The following PCSK6 variants were observed in gnomAD, a reference collection of about 807,000 sequenced individuals.
PCSK6 encodes paired basic amino acid cleaving enzyme 4.
In PCSK6, 85 loss-of-function variants were observed where a neutral mutation model predicts 123.3. The ratio of observed to expected loss-of-function variants is 0.69; its 90% CI spans 0.58 to 0.83. The LOEUF (loss-of-function observed/expected upper bound fraction) is 0.83. PCSK6 is among the 40% of genes least tolerant of loss of function. The pLI, the probability that PCSK6 is intolerant of heterozygous loss-of-function variation, is 0.00. For synonymous variants in PCSK6, 508 were observed against 516.0 expected (o/e 0.98, Z 0.21); for missense variants, 1,191 against 1,282.3 (o/e 0.93, Z 1.09).
intron 1 of PCSK6, among the ~76,000 whole-genome samples, chr15:101,459,168 C>T (rs934540050): frequency 1.3e-5 from 2 of 152,128 alleles, no homozygotes; most frequent in African/African-American, 4.8e-5. Context: ...TATTTTGAAG[C>T]CAAAACAAGG....
chr15:101,414,737 T>C (rs1437002217), intron 6 of PCSK6, among the ~76,000 whole-genome samples: 5 of 152,024 alleles, frequency 3.3e-5, no homozygotes, highest in African/African-American at 1.2e-4. Flanking sequence ...GACAGATTGG[T>C]AGACAGATGG....
intron 20 of PCSK6, among the ~76,000 whole-genome samples, chr15:101,311,466 C>G (rs1267222117): frequency 6.6e-6 from 1 of 151,964 alleles, no homozygotes; most frequent in Admixed American, 6.6e-5. Context: ...ATGTGATGTG[C>G]TGCCCTTGCT....
intron 6 of PCSK6, among the ~76,000 whole-genome samples, chr15:101,426,581 C>G (rs1481363224): frequency 1.3e-5 from 2 of 152,204 alleles, no homozygotes; most frequent in East Asian, 3.8e-4. Flanking sequence ...AAATCCAAGC[C>G]ACCTTCAAGA....
chr15:101,351,302 C>A (rs1234311824), intron 13 of PCSK6, among the ~76,000 whole-genome samples: 1 of 152,188 alleles, frequency 6.6e-6, no homozygotes, highest in Non-Finnish European at 1.5e-5. Flanking sequence ...AAAAATGTTT[C>A]ATGTCTGTAG....
intron 6 of PCSK6, among the ~76,000 whole-genome samples, chr15:101,410,476 T>A (rs2042914004): frequency 6.6e-6 from 1 of 152,066 alleles, no homozygotes; most frequent in Admixed American, 6.6e-5. Flanking sequence ...AAAGAAAGGA[T>A]GAATAAGAAG....
intron 13 of PCSK6, among the ~76,000 whole-genome samples, chr15:101,334,782 C>G (rs911616819): frequency 4.6e-5 from 7 of 152,090 alleles, no homozygotes; most frequent in African/African-American, 1.4e-4. Flanking sequence ...GTGGGACAAA[C>G]AAGAGGGGCT....
intron 2 of PCSK6, among the ~76,000 whole-genome samples, chr15:101,433,945 G>A (rs1025521449): frequency 2.0e-5 from 3 of 149,744 alleles, no homozygotes; most frequent in African/African-American, 7.4e-5. Flanking sequence ...CAGACCAGAC[G>A]CCTTAGAAAC....
rs539572977 is a variant in PCSK6, at chr15:101,426,016, G to T, written c.823+1876C>A. ...GCAAACCCTGACTCCGTAGGCCTGG[G>T]GTGGGGATTCTGCATTTCTAACGGC... On this transcript the variant is annotated intron_variant, in intron 6 of 21. Coordinates refer to ENST00000611716, the MANE Select transcript of PCSK6 (RefSeq NM_002570.5). Among the ~76,000 whole-genome samples, 5 of 152,272 alleles carry T rather than the reference G, an allele frequency of 3.3e-5. No homozygotes were observed. In the East Asian group the frequency reaches 9.6e-4, roughly 29 times the overall value.
At chr15:101,340,759 C>T (rs1289565879) in intron 13 of PCSK6, among the ~76,000 whole-genome samples, 1 of 151,986 alleles carries the variant, frequency 6.6e-6, no homozygotes, top group Non-Finnish European at 1.5e-5. Context: ...TCACATGATC[C>T]CTCTCCCGCC....
chr15:101,364,142 GGAAAA>G (rs1473926259), intron 13 of PCSK6, among the ~76,000 whole-genome samples: 5 of 152,044 alleles, frequency 3.3e-5, no homozygotes, highest in Non-Finnish European at 7.4e-5. Flanking sequence ...ATGGAGAACT[GGAAAA>G]GAACCAGGGC....
intron 1 of PCSK6, among the ~76,000 whole-genome samples, chr15:101,479,879 A>G (rs1331535273): frequency 6.6e-6 from 1 of 152,182 alleles, no homozygotes; most frequent in East Asian, 1.9e-4. Context: ...GTAAGTGACC[A>G]CTGCTGGGGT....
At chr15:101,324,134 T>C (rs1222805523) in intron 17 of PCSK6, among the ~76,000 whole-genome samples, 4 of 152,188 alleles carry the variant, frequency 2.6e-5, no homozygotes. Flanking sequence ...GTTGTGGCCT[T>C]TGCCCCTGCT....
intron 2 of PCSK6, among the ~76,000 whole-genome samples, chr15:101,440,339 T>C (rs1205052934): frequency 6.6e-6 from 1 of 152,246 alleles, no homozygotes; most frequent in Non-Finnish European, 1.5e-5. Flanking sequence ...GGAAAATGAC[T>C]GTACCATTCC....
intron 6 of PCSK6, among the ~76,000 whole-genome samples, chr15:101,404,541 G>A (rs2042711082): frequency 6.6e-6 from 1 of 152,210 alleles, no homozygotes; most frequent in Non-Finnish European, 1.5e-5. Flanking sequence ...CAAGATCGTG[G>A]CCGCCGGCAA....
chr15:101,448,455 G>A (rs566528427), intron 1 of PCSK6, among the ~76,000 whole-genome samples: 3 of 152,304 alleles, frequency 2.0e-5, no homozygotes, highest in South Asian at 4.1e-4. Context: ...AGTTAGTGGG[G>A]AACAGCAATT....
chr15:101,322,485 G>T lies in PCSK6; in HGVS notation c.2465+35C>A, dbSNP rs36022203. On this transcript the variant is annotated intron_variant, in intron 18 of 21. Coordinates refer to ENST00000611716, the MANE Select transcript of PCSK6 (RefSeq NM_002570.5). ...ATAACACACTCCAAGCAGCGCCACC[G>T]CCCTGACATTCCTCAGGTTTCGAGG... The T allele has an allele frequency of 0.21, 296,992 of 1,427,690 alleles. 33,932 individuals carry two copies. Among genetic ancestry groups the T allele is most frequent in the Non-Finnish European group, 0.24 (246,007 of 1,012,814 alleles). The allele number at this position is 1,427,690 out of a possible 1,614,324, so 88.4% of individuals were successfully genotyped here.
At chr15:101,333,669 TG>T (rs2040415166) in intron 13 of PCSK6, among the ~76,000 whole-genome samples, 1 of 152,220 alleles carries the variant, frequency 6.6e-6, no homozygotes, top group Admixed American at 6.5e-5. Context: ...CAGGCCCCTC[TG>T]CCAGTACAAC....
At chr15:101,404,914 CAAG>C (rs1344360778) in intron 6 of PCSK6, among the ~76,000 whole-genome samples, 1 of 152,096 alleles carries the variant, frequency 6.6e-6, no homozygotes, top group Non-Finnish European at 1.5e-5. Context: ...TATTTTTGAA[CAAG>C]AAGAACGGGA....
intron 11 of PCSK6, among the ~76,000 whole-genome samples, chr15:101,371,184 G>A (rs370318112): frequency 2.0e-5 from 3 of 152,300 alleles, no homozygotes; most frequent in East Asian, 1.9e-4. Flanking sequence ...TCCAGCCTGG[G>A]AGACAGAGCA....
Sources: gnomAD v4.1 joint callset for allele counts (sites outside exome capture counted in the v4.1 genomes callset) on GRCh38, gnomAD v4.1.1 for gene constraint, MANE v1.5 for transcripts, NCBI Gene and HGNC (gene_info 2026-07-23, HGNC 2026-07-21) for gene names.